COP1: variants seen among roughly 807,000 people sequenced by gnomAD.
COP1 encodes E3 ubiquitin-protein ligase COP1.
In COP1, 24 loss-of-function variants were observed where a neutral mutation model predicts 101.3. The ratio of observed to expected loss-of-function variants is 0.24; its 90% CI spans 0.17 to 0.33. The LOEUF (loss-of-function observed/expected upper bound fraction) is 0.33. Among genes scored for constraint, COP1 ranks in the 10% least tolerant of loss-of-function variants. The pLI is 1.00. For missense variants in COP1, 663 were observed against 906.2 expected (o/e 0.73, Z 3.45); for synonymous variants, 347 against 341.9 (o/e 1.01, Z -0.17).
chr1:176,158,630 CTTTTTT>C (rs35518162), intron 5 of COP1, among the ~76,000 whole-genome samples: 2 of 79,312 alleles, frequency 2.5e-5, no homozygotes, highest in African/African-American at 5.0e-5. Flanking sequence ...TTTTAAGGTT[CTTTTTT>C]TTTTTTTTTT....
rs575089682 is a variant in COP1, at chr1:176,069,824, A to T, written c.1277+11328T>A. ...CTTCAGATCCAATCCCATCTGTAAG[A>T]TCTCATGATCTAATCCAACAGATTA... On this transcript the variant is annotated intron_variant, in intron 11 of 19. Coordinates refer to ENST00000367669, the MANE Select transcript of COP1 (RefSeq NM_022457.7). Among the ~76,000 whole-genome samples, 6 of 152,304 alleles carry T rather than the reference A, an allele frequency of 3.9e-5. No individual in the cohort carries two copies. In the East Asian group the frequency reaches 1.2e-3, roughly 29 times the overall value.
intron 8 of COP1, among the ~76,000 whole-genome samples, chr1:176,131,098 G>A (rs577301685): frequency 4.5e-4 from 68 of 151,888 alleles, no homozygotes; most frequent in African/African-American, 1.5e-3. Context: ...ATTCTGCTTT[G>A]AGAGTTACAT....
In COP1 at chr1:176,081,294, GAAAAAAAA is replaced by G; in HGVS notation, c.1142-15_1142-8del. 1 of 1,283,240 alleles carries G rather than the reference GAAAAAAAA, an allele frequency of 7.8e-7. No homozygotes were observed. Among genetic ancestry groups the G allele is most frequent in the Non-Finnish European group, 1.0e-6 (1 of 976,834 alleles). 79.5% of individuals were successfully genotyped at this position (1,283,240 alleles called of 1,614,324 possible). On this transcript the variant is annotated splice_region_variant and splice_polypyrimidine_tract_variant and intron_variant, in intron 10 of 19. Transcript: ENST00000367669. ...CTTGCAGTTCGACTGTCATCTATAT[GAAAAAAAA>G]AAAAAAAAGACAAAACAGATGAATT...
intron 7 of COP1, 63 bp downstream of exon 7, chr1:176,136,424 GA>G (rs1689805560): frequency 9.1e-7 from 1 of 1,102,240 alleles, no homozygotes; most frequent in Admixed American, 1.9e-5. Flanking sequence ...CAACTTAATG[GA>G]AAGGTGACAA....
At chr1:176,170,427 A>T (rs12409108) in intron 3 of COP1, among the ~76,000 whole-genome samples, 44,307 of 152,090 alleles carry the variant, frequency 0.29, 7,781 homozygotes, top group Middle Eastern at 0.38. Context: ...TACAGAATGG[A>T]TATTGTGTTA....
At chr1:176,014,509 C>T (rs947603593) in intron 15 of COP1, among the ~76,000 whole-genome samples, 2 of 152,238 alleles carry the variant, frequency 1.3e-5, no homozygotes, top group East Asian at 1.9e-4. Context: ...TCTGTAATTA[C>T]GATTTCTTTA....
intron 5 of COP1, among the ~76,000 whole-genome samples, chr1:176,157,813 A>G (rs1218253314): frequency 6.6e-6 from 1 of 152,204 alleles, no homozygotes; most frequent in Non-Finnish European, 1.5e-5. Flanking sequence ...ATAAGGGAAA[A>G]AGTCAATCTA....
chr1:176,095,120 T>C (rs886121531), intron 9 of COP1, among the ~76,000 whole-genome samples: 1 of 152,198 alleles, frequency 6.6e-6, no homozygotes, highest in Non-Finnish European at 1.5e-5. Flanking sequence ...AAATTAACAC[T>C]GCATGGAAAA....
chr1:176,029,316 T>C (rs542601270), intron 14 of COP1, among the ~76,000 whole-genome samples: 1 of 152,160 alleles, frequency 6.6e-6, no homozygotes, highest in Admixed American at 6.5e-5. Context: ...TGATATATAT[T>C]AAAATTTGTA....
chr1:176,150,852 CAT>C (rs1281827463), intron 5 of COP1, among the ~76,000 whole-genome samples: 5 of 152,128 alleles, frequency 3.3e-5, no homozygotes, highest in Non-Finnish European at 7.4e-5. Flanking sequence ...GAATTCACCA[CAT>C]GACACCTTCT....
chr1:176,197,581 T>C (rs1699831749), intron 1 of COP1, among the ~76,000 whole-genome samples: 1 of 152,170 alleles, frequency 6.6e-6, no homozygotes, highest in Non-Finnish European at 1.5e-5. Context: ...CACTGTGATA[T>C]GAAAACCAGA....
At chr1:176,048,195 C>CCTT (rs1671845178) in intron 11 of COP1, among the ~76,000 whole-genome samples, 1 of 126,622 alleles carries the variant, frequency 7.9e-6, no homozygotes, top group Non-Finnish European at 1.6e-5. Flanking sequence ...AATTAAAATT[C>CCTT]TTTTTTTTTT....
chr1:176,076,003 CAAA>C (rs60998287), intron 11 of COP1, among the ~76,000 whole-genome samples: 1 of 96,546 alleles, frequency 1.0e-5, no homozygotes, highest in African/African-American at 4.4e-5. Context: ...AACTCCATCT[CAAA>C]AAAAAAAAAA....
In COP1 at chr1:175,987,027, G is replaced by A. The variant is rs748408939; in HGVS notation, c.2049C>T (p.Val683=). 1.9e-6 allele frequency: 3 copies of A among 1,609,634 alleles called. No individual in the cohort carries two copies. Among genetic ancestry groups the A allele is most frequent in the Non-Finnish European group, 2.5e-6 (3 of 1,176,614 alleles). Residue 683 remains valine, a synonymous_variant, in exon 18 of 20, where the codon GTC becomes GTT. Transcript: ENST00000367669. ...KTLLTFKFDT[V]KSVLDKDRKE... ...TTCGGTCTTTGTCGAGAACACTTTT[G>A]ACTGTATCAAACTTAAAAGTTAGCA...
intron 5 of COP1, among the ~76,000 whole-genome samples, chr1:176,154,307 C>G (rs1020824326): frequency 6.6e-6 from 1 of 152,086 alleles, no homozygotes; most frequent in Non-Finnish European, 1.5e-5. Context: ...CAAAGGAATA[C>G]AAATCCTTGC....
At chr1:176,197,703 G>A (rs1170342859) in intron 1 of COP1, among the ~76,000 whole-genome samples, 1 of 152,038 alleles carries the variant, frequency 6.6e-6, no homozygotes, top group East Asian at 1.9e-4. Context: ...TCTTTAAATA[G>A]GGCATATAAA....
At chr1:176,076,822 TCA>T (rs1678117453) in intron 11 of COP1, among the ~76,000 whole-genome samples, 1 of 152,238 alleles carries the variant, frequency 6.6e-6, no homozygotes, top group African/African-American at 2.4e-5. Context: ...CAAAAGATTC[TCA>T]GAGATTATTA....
intron 18 of COP1, among the ~76,000 whole-genome samples, chr1:175,969,711 G>C (rs1326120846): frequency 6.6e-6 from 1 of 152,150 alleles, no homozygotes; most frequent in Non-Finnish European, 1.5e-5. Context: ...TCTCCGTCAT[G>C]AATCAAGCCA....
intron 1 of COP1, among the ~76,000 whole-genome samples, chr1:176,187,368 A>AT (rs2102075245): frequency 6.7e-6 from 1 of 149,494 alleles, no homozygotes; most frequent in South Asian, 2.1e-4. Flanking sequence ...ATATATACAC[A>AT]CTATATACAC....
Sources: allele counts gnomAD v4.1 joint callset (sites outside exome capture counted in the v4.1 genomes callset), GRCh38; gene constraint gnomAD v4.1.1; transcripts MANE v1.5; gene names NCBI Gene and HGNC (gene_info 2026-07-23, HGNC 2026-07-21).